The following TAF4 variants were observed in gnomAD, a reference collection of about 807,000 sequenced individuals.
TAF4 encodes the protein transcription initiation factor TFIID subunit 4.
Under a neutral mutation model 90.3 loss-of-function variants are expected in TAF4, and 9 were observed. That is an observed-to-expected ratio of 0.10 (90% CI 0.06 to 0.17). TAF4 has a LOEUF of 0.17. TAF4 is among the 10% of genes least tolerant of loss of function. The probability of loss-of-function intolerance (pLI) is 1.00; values close to 1 mark genes in which losing one functional copy is unlikely to be tolerated. For missense variants in TAF4, 1,351 were observed against 1,370.7 expected (o/e 0.99, Z 0.23); for synonymous variants, 818 against 638.9 (o/e 1.28, Z -4.23).
intron 9 of TAF4, among the ~76,000 whole-genome samples, chr20:62,002,162 T>C (rs1302014811): frequency 1.3e-5 from 2 of 152,198 alleles, no homozygotes; most frequent in African/African-American, 4.8e-5. Flanking sequence ...TTCACCCGTG[T>C]ATGTCCCTAA....
At position 61,994,144 on chromosome 20, in the gene TAF4, C is replaced by T. The variant is rs74615537; in HGVS notation, c.3090+3406G>A. ...GGCTAATCAATATCTTTCACCTCCCCCACAAAAAAGTAAGTCCTTAACTCT... is the reference window on the plus strand; with the variant it reads ...GGCTAATCAATATCTTTCACCTCCCTCACAAAAAAGTAAGTCCTTAACTCT... On this transcript the variant is annotated intron_variant, in intron 14 of 14. Transcript: ENST00000252996. 3.3e-3 allele frequency among the ~76,000 whole-genome samples: 499 copies of T among 152,160 alleles called. 3 individuals are homozygous for T. Among genetic ancestry groups the T allele is most frequent in the African/African-American group, 0.011 (474 of 41,552 alleles).
Position 61,975,995 on chromosome 20 carries a change from T to G in TAF4, c.*173A>C. The G allele has an allele frequency of 1.5e-6, 1 of 678,456 alleles. No individual in the cohort carries two copies. The highest frequency in any genetic ancestry group is 2.5e-6 in the Non-Finnish European group (1 of 408,112). 42.0% of individuals were successfully genotyped at this position (678,456 alleles called of 1,614,324 possible). On this transcript the variant is annotated 3_prime_UTR_variant, in exon 15 of 15. Coordinates refer to ENST00000252996, the MANE Select transcript of TAF4 (RefSeq NM_003185.4). ...TAAGAGTATCCACAGGCCTTTGTGT[T>G]CTCTCTGTTACAGAAACGTGTTTTC...
chr20:62,022,868 C>G (rs867298058), intron 1 of TAF4, among the ~76,000 whole-genome samples: 6 of 152,018 alleles, frequency 3.9e-5, no homozygotes, highest in Admixed American at 3.3e-4. Flanking sequence ...GCAGCCCCCC[C>G]CCCGCACATT....
intron 1 of TAF4, among the ~76,000 whole-genome samples, chr20:62,019,142 C>T (rs2055828700): frequency 1.3e-5 from 2 of 152,240 alleles, no homozygotes; most frequent in Non-Finnish European, 2.9e-5. Flanking sequence ...ATCTTCCTTA[C>T]CACAGAAAGA....
At chr20:62,056,367 C>T (rs950920020) in intron 1 of TAF4, among the ~76,000 whole-genome samples, 3 of 152,216 alleles carry the variant, frequency 2.0e-5, no homozygotes, top group Non-Finnish European at 4.4e-5. Flanking sequence ...ACACGATTTT[C>T]TTCCTTTAGA....
chr20:61,980,824 C>G (rs2055536401), intron 14 of TAF4: 1 of 152,400 alleles, frequency 6.6e-6, no homozygotes, highest in Non-Finnish European at 1.5e-5. Flanking sequence ...GCCTGACCCC[C>G]CAGTCTCTCC....
chr20:62,002,896 T>C (rs1417895529), intron 9 of TAF4, among the ~76,000 whole-genome samples: 7 of 152,200 alleles, frequency 4.6e-5, no homozygotes, highest in Admixed American at 4.6e-4. Context: ...TACTAAAAAA[T>C]GAATTTCCTA....
Position 62,006,521 on chromosome 20 carries a change from G to A in TAF4, c.2212C>T (p.Pro738Ser), listed in dbSNP as rs1044218250. Residue 738 changes from proline (P) to serine (S), a missense_variant, in exon 7 of 15, where the codon CCC (proline) becomes TCC (serine). This residue lies in a region of TAF4 where 202 missense variants were observed against 229.7 expected (regional missense o/e 0.88). Coordinates refer to ENST00000252996, the MANE Select transcript of TAF4 (RefSeq NM_003185.4). The surrounding 1 kb of genome is among the most constrained non-coding windows in gnomAD (Gnocchi z 7.0). Reference sequence around the variant, plus strand: ...CGCCCCTTCCATACCAGCGGTGTGGGTTGCCCCTGCTTGCCGACGCCGACC... The same window carrying A: ...CGCCCCTTCCATACCAGCGGTGTGGATTGCCCCTGCTTGCCGACGCCGACC... ...TQVGVGKQGQPTPLVIQQPPK... is the reference protein window; with the variant it reads ...TQVGVGKQGQSTPLVIQQPPK... The A allele has an allele frequency of 1.3e-6, 2 of 1,537,520 alleles. No homozygotes were observed. Among genetic ancestry groups the A allele is most frequent in the Non-Finnish European group, 8.8e-7 (1 of 1,142,666 alleles).
intron 1 of TAF4, among the ~76,000 whole-genome samples, chr20:62,020,429 G>C (rs1409059290): frequency 6.6e-6 from 1 of 152,256 alleles, no homozygotes; most frequent in Non-Finnish European, 1.5e-5. Flanking sequence ...CCAACCCTCA[G>C]CTGCTGTCCA....
intron 1 of TAF4, among the ~76,000 whole-genome samples, chr20:62,059,971 C>G (rs897364791): frequency 2.0e-5 from 3 of 152,246 alleles, no homozygotes; most frequent in African/African-American, 7.2e-5. Context: ...GTAGAAAAGG[C>G]TTTGGAGGTA....
intron 1 of TAF4, among the ~76,000 whole-genome samples, chr20:62,045,323 C>T (rs28382023): frequency 2.6e-5 from 4 of 152,368 alleles, no homozygotes; most frequent in African/African-American, 9.6e-5. Context: ...GCCCTGCCTG[C>T]CGTGCCTGCC....
chr20:62,018,509 C>T (rs2055825163), intron 1 of TAF4, among the ~76,000 whole-genome samples: 1 of 152,280 alleles, frequency 6.6e-6, no homozygotes, highest in African/African-American at 2.4e-5. Context: ...GCCGCCCCTC[C>T]TGCCTCTACT....
chr20:61,998,264 C>A, intron 12 of TAF4, 72 bp from the exon 13 acceptor site: 1 of 1,478,320 alleles, frequency 6.8e-7, no homozygotes, highest in Non-Finnish European at 9.3e-7. Flanking sequence ...AATGTGTTAT[C>A]TTATTTACTA....
At chr20:62,049,794 GGCCTTGAGCAGTTCATAGAAAT>G (rs1249665888) in intron 1 of TAF4, among the ~76,000 whole-genome samples, 1 of 152,130 alleles carries the variant, frequency 6.6e-6, no homozygotes, top group Non-Finnish European at 1.5e-5. Flanking sequence ...CCAGTCACGT[GGCCTTGAGCAGTTCATAGAAAT>G]GCGAGCCTCA....
chr20:62,014,753 G>A lies in TAF4; in HGVS notation c.1361-46C>T, dbSNP rs376203444. 1.7e-3 allele frequency: 2,734 copies of A among 1,600,042 alleles called. 3 individuals carry two copies. The highest frequency in any genetic ancestry group is 2.2e-3 in the Non-Finnish European group (2,644 of 1,176,912). On this transcript the variant is annotated intron_variant, in intron 1 of 14. Coordinates refer to ENST00000252996, the MANE Select transcript of TAF4 (RefSeq NM_003185.4). ...GCGTCAGGAACGCAACCACCCCAGA[G>A]CCATGAGGAGGCCCTGGCCTGACCC...
intron 14 of TAF4, among the ~76,000 whole-genome samples, chr20:61,996,566 C>A (rs28742597): frequency 9.8e-4 from 149 of 151,842 alleles, no homozygotes; most frequent in African/African-American, 3.4e-3. Context: ...TTTGGGAGGC[C>A]GAGGTGGGCA....
chr20:61,987,099 C>G (rs569867659), intron 14 of TAF4, among the ~76,000 whole-genome samples: 1 of 152,330 alleles, frequency 6.6e-6, no homozygotes, highest in African/African-American at 2.4e-5. Context: ...GCAGCAACAG[C>G]CAGGCGACAC....
At chr20:62,017,130 G>C (rs2055816388) in intron 1 of TAF4, among the ~76,000 whole-genome samples, 1 of 151,176 alleles carries the variant, frequency 6.6e-6, no homozygotes, top group South Asian at 2.1e-4. Flanking sequence ...CACAGAGTGA[G>C]ACCCCATCTC....
intron 11 of TAF4, 45 bp downstream of exon 11, chr20:62,000,079 G>A: frequency 1.2e-6 from 2 of 1,614,094 alleles, no homozygotes; most frequent in Non-Finnish European, 1.7e-6. Context: ...CAGAGAGTGG[G>A]GGCCAACAAC....
Sources: allele counts gnomAD v4.1 joint callset (sites outside exome capture counted in the v4.1 genomes callset), GRCh38; gene constraint gnomAD v4.1.1; regional missense constraint gnomAD v4.1.1; non-coding constraint Gnocchi (gnomAD v3.1); transcripts MANE v1.5; gene names NCBI Gene and HGNC (gene_info 2026-07-23, HGNC 2026-07-21).